P2RX5: variants seen among roughly 807,000 people sequenced by gnomAD.
P2RX5 encodes P2X purinoceptor 5.
P2RX5 carries 46 observed loss-of-function variants against 54.1 expected under a neutral mutation model. The observed-to-expected ratio is 0.85, with a 90% CI of 0.67 to 1.09. P2RX5 has a LOEUF of 1.09. Ranked by LOEUF, P2RX5 falls within the 50% of genes least tolerant of loss-of-function variation. The probability of loss-of-function intolerance (pLI) is 0.00; values close to 1 mark genes in which losing one functional copy is unlikely to be tolerated. For synonymous variants in P2RX5, 226 were observed against 226.4 expected, an observed-to-expected ratio of 1.00 and a Z score of 0.02; for missense variants, 566 against 549.8, an observed-to-expected ratio of 1.03 and a Z score of -0.29.
upstream of P2RX5, chr17:3,696,524 A>T (rs891090852): frequency 6.6e-6 from 1 of 152,260 alleles, no homozygotes; most frequent in Non-Finnish European, 1.5e-5. Context: ...GTGCGATCTC[A>T]GCTCACTGCT....
the P2RX5 span, among the ~76,000 whole-genome samples, chr17:3,714,246 TGAGATGGAG>T: frequency 1.3e-3 from 188 of 148,122 alleles, 1 homozygote; most frequent in Admixed American, 4.5e-3. Flanking sequence ...TTTTTCTTTT[TGAGATGGAG>T]TCTCACTCTG....
At chr17:3,714,233 G>T in the P2RX5 span, among the ~76,000 whole-genome samples, 2 of 137,186 alleles carry the variant, frequency 1.5e-5, no homozygotes, top group African/African-American at 5.3e-5. Context: ...CGCCTATTTT[G>T]TTTTTTTCTT....
chr17:3,695,354 C>T (rs372250873), intron 1 of P2RX5, among the ~76,000 whole-genome samples: 14 of 152,248 alleles, frequency 9.2e-5, no homozygotes, highest in South Asian at 6.2e-4. Context: ...GAGAGGCTGG[C>T]CGCGGGTGGG....
At chr17:3,681,017 ATCCTCCACCCTGCG>A (rs1567731038) in intron 10 of P2RX5, among the ~76,000 whole-genome samples, 3 of 107,984 alleles carry the variant, frequency 2.8e-5, no homozygotes, top group Admixed American at 9.1e-5. Flanking sequence ...TCCACCCTGC[ATCCTCCACCCTGCG>A]TCCTCCACCC....
intron 1 of P2RX5, among the ~76,000 whole-genome samples, chr17:3,693,410 G>A (rs188843706): frequency 1.3e-5 from 2 of 152,146 alleles, no homozygotes; most frequent in Non-Finnish European, 2.9e-5. Flanking sequence ...GTTAAGGATC[G>A]AGTTACCAGA....
chr17:3,723,188 T>C, the P2RX5 span: 2 of 852,986 alleles, frequency 2.3e-6, no homozygotes, highest in Non-Finnish European at 4.0e-6. Flanking sequence ...AGATCTATTT[T>C]GGACATGGAC....
the P2RX5 span, chr17:3,721,521 TC>T: frequency 6.6e-6 from 1 of 151,866 alleles, no homozygotes; most frequent in Non-Finnish European, 1.5e-5. Context: ...CAAGCAATCC[TC>T]CCGCCTCAGC....
chr17:3,690,759 G>T, intron 3 of P2RX5, 79 bp from the exon 4 acceptor site: 1 of 1,447,644 alleles, frequency 6.9e-7, no homozygotes. Flanking sequence ...GATAGAATAG[G>T]GGTTCTTCTT....
chr17:3,706,585 C>A, the P2RX5 span, among the ~76,000 whole-genome samples: 1 of 141,138 alleles, frequency 7.1e-6, no homozygotes, highest in Non-Finnish European at 1.6e-5. Context: ...ATCACCACCA[C>A]CTGGAGCACA....
Position 3,673,679 on chromosome 17 carries a change from C to T in P2RX5, c.*189G>A, listed in dbSNP as rs1039833265. On this transcript the variant is annotated 3_prime_UTR_variant, in exon 12 of 12. Coordinates refer to ENST00000225328, the MANE Select transcript of P2RX5 (RefSeq NM_002561.4). ...AAAAAGACAGCCATGATGGGTCCGTCCTGATGACCCCAGCATCAGACGTGG... is the reference window on the plus strand; with the variant it reads ...AAAAAGACAGCCATGATGGGTCCGTTCTGATGACCCCAGCATCAGACGTGG... The T allele has an allele frequency of 1.3e-6, 2 of 1,518,450 alleles. No individual in the cohort carries two copies. Among genetic ancestry groups the T allele is most frequent in the Admixed American group, 2.0e-5 (1 of 49,842 alleles). 94.1% of individuals were successfully genotyped at this position (1,518,450 alleles called of 1,614,324 possible).
the P2RX5 span, among the ~76,000 whole-genome samples, chr17:3,714,214 A>ATCATGCCCAG: frequency 1.3e-5 from 2 of 150,862 alleles, no homozygotes; most frequent in South Asian, 2.1e-4. Context: ...GGCGTGAGCC[A>ATCATGCCCAG]CCGCACCCCG....
chr17:3,680,849 A>G (rs1364106732), intron 10 of P2RX5, among the ~76,000 whole-genome samples: 17 of 105,106 alleles, frequency 1.6e-4, no homozygotes, highest in African/African-American at 4.5e-4. Flanking sequence ...TCCACCCTGC[A>G]TCCTCCACCC....
At chr17:3,715,820 G>GCCA in the P2RX5 span, among the ~76,000 whole-genome samples, 2 of 152,136 alleles carry the variant, frequency 1.3e-5, no homozygotes, top group East Asian at 1.9e-4. Flanking sequence ...CCTTAACTGT[G>GCCA]CCACTGAGCT....
At chr17:3,684,646 A>G (rs2050383138) in intron 9 of P2RX5, among the ~76,000 whole-genome samples, 1 of 150,916 alleles carries the variant, frequency 6.6e-6, no homozygotes, top group Non-Finnish European at 1.5e-5. Context: ...AGTATCGACC[A>G]GAAAAGTGTG....
At chr17:3,712,429 G>A in the P2RX5 span, among the ~76,000 whole-genome samples, 395 of 152,272 alleles carry the variant, frequency 2.6e-3, 3 homozygotes, top group African/African-American at 9.0e-3. Flanking sequence ...CAGAGCAGCC[G>A]GGGCTGGGAT....
chr17:3,718,767 G>A, the P2RX5 span, among the ~76,000 whole-genome samples: 9 of 152,182 alleles, frequency 5.9e-5, no homozygotes, highest in Non-Finnish European at 1.2e-4. Flanking sequence ...CTGGGGGCAT[G>A]GGAAGGGAGA....
chr17:3,715,872 A>G, the P2RX5 span, among the ~76,000 whole-genome samples: 1 of 152,062 alleles, frequency 6.6e-6, no homozygotes. Flanking sequence ...TTTTTAAAAA[A>G]GAGGCTGGGA....
the P2RX5 span, among the ~76,000 whole-genome samples, chr17:3,711,015 T>C: frequency 4.7e-4 from 72 of 152,312 alleles, 1 homozygote; most frequent in Middle Eastern, 6.8e-3. Context: ...CTTTTCTGGG[T>C]AGCAGAGTGG....
At chr17:3,715,750 T>C in the P2RX5 span, among the ~76,000 whole-genome samples, 22,715 of 151,858 alleles carry the variant, frequency 0.15, 5,306 homozygotes, top group African/African-American at 0.5. Context: ...CAGTCCCAGT[T>C]ACTCAGGAGA....
Sources: allele counts gnomAD v4.1 joint callset (sites outside exome capture counted in the v4.1 genomes callset), GRCh38; gene constraint gnomAD v4.1.1; transcripts MANE v1.5; gene names NCBI Gene and HGNC (gene_info 2026-07-23, HGNC 2026-07-21).